The following CST6 variants were observed in gnomAD, a reference collection of about 807,000 sequenced individuals.
CST6 encodes cystatin E/M, also known as cystatin-M.
In CST6, 8 loss-of-function variants were observed where a neutral mutation model predicts 10.7. The ratio of observed to expected loss-of-function variants is 0.75; its 90% CI spans 0.44 to 1.34. The LOEUF (loss-of-function observed/expected upper bound fraction) is 1.34, where lower values mean the gene tolerates loss of function less well. Among genes scored for constraint, CST6 ranks in the 40% most tolerant of loss-of-function variants. The probability of loss-of-function intolerance (pLI) is 0.01; values close to 1 mark genes in which losing one functional copy is unlikely to be tolerated. For synonymous variants in CST6, 100 were observed against 89.3 expected (o/e 1.12, Z -0.68); for missense variants, 206 against 205.1 (o/e 1.00, Z -0.03).
At position 66,012,040 on chromosome 11, in the gene CST6, C is replaced by T. The variant is rs759682822; in HGVS notation, c.-5C>T. On this transcript the variant is annotated 5_prime_UTR_variant, in exon 1 of 3. It adds an upstream start codon to the 5' untranslated region. Transcript: ENST00000312134. ...GCTCTGAGGGCTCCGACGGCACTGACGGCCATGGCGCGTTCGAACCTCCCG... is the reference window on the plus strand; with the variant it reads ...GCTCTGAGGGCTCCGACGGCACTGATGGCCATGGCGCGTTCGAACCTCCCG... The T allele has an allele frequency of 8.4e-6, 13 of 1,539,592 alleles. No individual in the cohort carries two copies. Among genetic ancestry groups the T allele is most frequent in the South Asian group, 2.4e-5 (2 of 83,092 alleles).
chr11:66,012,327 G>T (rs762414384), intron 1 of CST6, 43 bp downstream of exon 1: 504 of 1,544,650 alleles, frequency 3.3e-4, no homozygotes, highest in Non-Finnish European at 4.3e-4. Context: ...CGGCCCAGAT[G>T]GGGGAGGCCA....
At position 66,012,302 on chromosome 11, in the gene CST6, C is replaced by T; in HGVS notation, c.240+18C>T. 6.4e-7 allele frequency: 1 copy of T among 1,573,958 alleles called. No homozygotes were observed. The highest frequency in any genetic ancestry group is 1.1e-5 in the South Asian group (1 of 87,176). ...AGAGCCAGGTGCGGCGGGCGGGGTG[C>T]TGGGAGGGGACACCCGGCCCAGATG... On this transcript the variant is annotated intron_variant, in intron 1 of 2. Coordinates refer to ENST00000312134, the MANE Select transcript of CST6 (RefSeq NM_001323.4).
intron 2 of CST6, 27 bp downstream of exon 2, chr11:66,012,978 G>A (rs1250535894): frequency 6.2e-7 from 1 of 1,610,982 alleles, no homozygotes; most frequent in African/African-American, 1.3e-5. Context: ...TCCAGCCCCA[G>A]CCCTCCCCAG....
chr11:66,013,030 T>C, intron 2 of CST6, 79 bp downstream of exon 2: 2 of 1,554,572 alleles, frequency 1.3e-6, no homozygotes, highest in Non-Finnish European at 1.8e-6. Flanking sequence ...CTGGTTTGGC[T>C]GGACACGTAG....
rs776762419 is a variant in CST6, at chr11:66,012,038, G to A, written c.-7G>A. The A allele has an allele frequency of 6.5e-7, 1 of 1,539,330 alleles. No individual in the cohort carries two copies. ...CGGCTCTGAGGGCTCCGACGGCACT[G>A]ACGGCCATGGCGCGTTCGAACCTCC... On this transcript the variant is annotated 5_prime_UTR_variant, in exon 1 of 3. Transcript: ENST00000312134.
Position 66,013,372 on chromosome 11 carries a change from T to C in CST6, c.422T>C (p.Leu141Pro). Residue 141 changes from leucine to proline, a missense_variant, in exon 3 of 3, where the codon CTC (leucine) becomes CCC (proline). By Grantham distance (98) the Leu-to-Pro change is moderately conservative. Transcript: ENST00000312134. ...GTTCCCTGGCAGAACTCCTCTCAGC[T>C]CCTAAAGCACAACTGTGTGCAGATG... ...LVVPWQNSSQ[L>P]LKHNCVQM is the part of the protein sequence containing the mutation. The C allele has an allele frequency of 6.2e-7, 1 of 1,614,094 alleles. No individual in the cohort carries two copies. Among genetic ancestry groups the C allele is most frequent in the Non-Finnish European group, 8.5e-7 (1 of 1,180,002 alleles).
chr11:66,012,333 G>T, intron 1 of CST6, 49 bp downstream of exon 1: 3 of 1,534,432 alleles, frequency 2.0e-6, no homozygotes, highest in Non-Finnish European at 2.6e-6. Context: ...AGATGGGGGA[G>T]GCCACAGGCG....
chr11:66,012,807 C>T lies in CST6; in HGVS notation c.241-19C>T. ...TCAAGGGTCAAGACCCCTGACCTGC[C>T]CCTACCCTATGCCCCCAGCTGGTGG... is the stretch of plus-strand genomic sequence containing the variant. On this transcript the variant is annotated intron_variant, in intron 1 of 2. Transcript: ENST00000312134. 1 of 1,594,890 alleles carries T rather than the reference C, an allele frequency of 6.3e-7. No individual in the cohort carries two copies. The highest frequency in any genetic ancestry group is 2.2e-5 in the East Asian group (1 of 44,512).
In CST6 at chr11:66,012,087, G is replaced by A. The variant is rs1856172220; in HGVS notation, c.43G>A (p.Val15Ile). Reference protein sequence around the residue: ...NLPLALGLALVAFCLLALPRD... With the variant: ...NLPLALGLALIAFCLLALPRD... ...CCCGCTGGCGCTGGGCCTGGCCCTG[G>A]TCGCATTCTGCCTCCTGGCGCTGCC... Residue 15 changes from valine to isoleucine, a missense_variant, in exon 1 of 3, where the codon GTC becomes ATC. Physicochemically the swap from Val to Ile is conservative, Grantham distance 29 (BLOSUM62 3). Transcript: ENST00000312134. The A allele has an allele frequency of 1.9e-6, 3 of 1,567,930 alleles. No individual in the cohort carries two copies. Among genetic ancestry groups the A allele is most frequent in the Non-Finnish European group, 2.6e-6 (3 of 1,165,384 alleles).
chr11:66,012,083 C>T lies in CST6; in HGVS notation c.39C>T (p.Ala13=), dbSNP rs753356639. 5 of 1,569,192 alleles carry T rather than the reference C, an allele frequency of 3.2e-6. No individual in the cohort carries two copies. The African/African-American group carries it at 4.0e-5, about 13-fold the overall frequency. ...RSNLPLALGL[A]LVAFCLLALP... ...ACCTCCCGCTGGCGCTGGGCCTGGCCCTGGTCGCATTCTGCCTCCTGGCGC... is the reference window on the plus strand; with the variant it reads ...ACCTCCCGCTGGCGCTGGGCCTGGCTCTGGTCGCATTCTGCCTCCTGGCGC... Residue 13 remains alanine, a synonymous_variant, in exon 1 of 3, where the codon GCC becomes GCT. Coordinates refer to ENST00000312134, the MANE Select transcript of CST6 (RefSeq NM_001323.4).
rs1565066924 is a variant in CST6, at chr11:66,012,887, C to T, written c.302C>T (p.Thr101Ile). Reference protein sequence around the residue: ...MEMGSTDCRKTRVTGDHVDLT... With the variant: ...MEMGSTDCRKIRVTGDHVDLT... ...ATGGGGAGCACAGACTGCCGCAAGA[C>T]CAGGGTCACTGGAGACCACGTCGAC... The change falls in exon 2 of 3, where the codon ACC becomes ATC. Residue 101 changes from threonine to isoleucine, a missense_variant. By Grantham distance (89) the Thr-to-Ile change is moderately conservative. Transcript: ENST00000312134. 1.2e-6 allele frequency: 2 copies of T among 1,613,656 alleles called. No homozygotes were observed. The highest frequency in any genetic ancestry group is 4.5e-5 in the East Asian group (2 of 44,862).
chr11:66,012,085 T>C lies in CST6; in HGVS notation c.41T>C (p.Leu14Pro). 6.4e-7 allele frequency: 1 copy of C among 1,568,922 alleles called. No homozygotes were observed. Among genetic ancestry groups the C allele is most frequent in the South Asian group, 1.2e-5 (1 of 86,750 alleles). Residue 14 changes from leucine to proline, a missense_variant, in exon 1 of 3, where the codon CTG (leucine) becomes CCG (proline). Physicochemically the swap from Leu to Pro is moderately conservative, Grantham distance 98. Transcript: ENST00000312134. ...CTCCCGCTGGCGCTGGGCCTGGCCCTGGTCGCATTCTGCCTCCTGGCGCTG... is the reference window on the plus strand; with the variant it reads ...CTCCCGCTGGCGCTGGGCCTGGCCCCGGTCGCATTCTGCCTCCTGGCGCTG... ...SNLPLALGLA[L>P]VAFCLLALPR...
chr11:66,013,493 G>GCAAGAAGCAGCA lies in CST6; in HGVS notation c.*94_*95insAAGAAGCAGCAC. On this transcript the variant is annotated 3_prime_UTR_variant, in exon 3 of 3. Coordinates refer to ENST00000312134, the MANE Select transcript of CST6 (RefSeq NM_001323.4). Reference sequence around the variant, plus strand: ...GTATCTGTCACAATAAATGGCCAGTGCTGCTTCTTGCATTGGTTTCTTCCA... The same window carrying GCAAGAAGCAGCA: ...GTATCTGTCACAATAAATGGCCAGTGCAAGAAGCAGCACTGCTTCTTGCATTGGTTTCTTCCA... 3.0e-6 allele frequency: 3 copies of GCAAGAAGCAGCA among 1,015,150 alleles called. No homozygotes were observed. Among genetic ancestry groups the GCAAGAAGCAGCA allele is most frequent in the Non-Finnish European group, 4.7e-6 (3 of 636,666 alleles). 62.9% of individuals were successfully genotyped at this position (1,015,150 alleles called of 1,614,324 possible). A position where few individuals can be genotyped will look rare whatever the true frequency, so the allele number is the denominator to read the frequency against.
chr11:66,013,243 A>G (rs1856189339), intron 2 of CST6, 74 bp from the exon 3 acceptor site: 1 of 1,387,050 alleles, frequency 7.2e-7, no homozygotes, highest in Non-Finnish European at 1.0e-6. Context: ...CCTGGCAGGC[A>G]GAGGGCTGGC....
At chr11:66,012,377 G>A (rs1856176773) in intron 1 of CST6, 93 bp downstream of exon 1, 3 of 1,381,882 alleles carry the variant, frequency 2.2e-6, no homozygotes, top group Admixed American at 2.7e-5. Flanking sequence ...GCCTAAAAGC[G>A]CAATCGGGAT....
chr11:66,013,194 C>T (rs760010379), intron 2 of CST6, 123 bp from the exon 3 acceptor site: 22 of 1,027,526 alleles, frequency 2.1e-5, no homozygotes, highest in East Asian at 2.4e-5. Context: ...GCTTGACATC[C>T]GTTGGGTCAG....
Position 66,012,938 on chromosome 11 carries a change from G to A in CST6, c.353G>A (p.Gly118Glu). 1.2e-6 allele frequency: 2 copies of A among 1,613,476 alleles called. No individual in the cohort carries two copies. The highest frequency in any genetic ancestry group is 1.7e-6 in the Non-Finnish European group (2 of 1,179,878). Residue 118 changes from glycine (G) to glutamate (E), a missense_variant, in exon 2 of 3, where the codon GGG (glycine) becomes GAG (glutamate). By Grantham distance (98) the Gly-to-Glu change is moderately conservative (BLOSUM62 -2). Coordinates refer to ENST00000312134, the MANE Select transcript of CST6 (RefSeq NM_001323.4). ...CTCACCACTTGCCCCCTGGCAGCAG[G>A]GGCGCAGCAGGAGGTAACAGCTGGG... is the stretch of plus-strand genomic sequence containing the variant. ...VDLTTCPLAA[G>E]AQQEKLRCDF...
At chr11:66,012,661 A>C (rs1856179674) in intron 1 of CST6, among the ~76,000 whole-genome samples, 165 bp from the exon 2 acceptor site, 4 of 41,338 alleles carry the variant, frequency 9.7e-5, no homozygotes, top group Admixed American at 3.0e-4. Context: ...TCCCCACCAG[A>C]ACTCCCCCCC....
rs1269906700 is a variant in CST6 at position 66,012,281 on chromosome 11, C to A, written c.237C>A (p.Ser79Arg). 1.9e-6 allele frequency: 3 copies of A among 1,593,628 alleles called. No homozygotes were observed. The highest frequency in any genetic ancestry group is 2.6e-6 in the Non-Finnish European group (3 of 1,166,726). ...ACACGCACATCATCAAGGCGCAGAG[C>A]CAGGTGCGGCGGGCGGGGTGCTGGG... is the stretch of plus-strand genomic sequence containing the variant. ...FRDTHIIKAQ[S>R]QLVAGIKYFL... Residue 79 changes from serine (S) to arginine (R), a missense_variant, in exon 1 of 3, where the codon AGC becomes AGA. By Grantham distance (110) the Ser-to-Arg change is moderately radical. Coordinates refer to ENST00000312134, the MANE Select transcript of CST6 (RefSeq NM_001323.4).
Sources: gnomAD v4.1 joint callset for allele counts (sites outside exome capture counted in the v4.1 genomes callset) on GRCh38, gnomAD v4.1.1 for gene constraint, MANE v1.5 for transcripts, NCBI Gene and HGNC (gene_info 2026-07-23, HGNC 2026-07-21) for gene names.